The following PXDN variants were observed in gnomAD, a reference collection of about 807,000 sequenced individuals.
The protein encoded by PXDN is peroxidasin homolog.
In PXDN, 77 loss-of-function variants were observed where a neutral mutation model predicts 140.3. That is an observed-to-expected ratio of 0.55 (90% confidence interval 0.46 to 0.66). The LOEUF (loss-of-function observed/expected upper bound fraction) is 0.66, where lower values mean the gene tolerates loss of function less well. Among genes scored for constraint, PXDN ranks in the 30% least tolerant of loss-of-function variants. The pLI is 0.00. For synonymous variants in PXDN, 911 were observed against 857.4 expected, an observed-to-expected ratio of 1.06 and a Z score of -1.09; for missense variants, 1,838 against 2,039.5, an observed-to-expected ratio of 0.90 and a Z score of 1.90.
Position 1,714,375 on chromosome 2 carries a change from T to A in PXDN, c.201-21241A>T, listed in dbSNP as rs950359522. The stretch of plus-strand genomic sequence containing the variant: ...TCGCTCCCATGCCTTTGAGAGGAGA[T>A]CAGGTCTTGCCTCTGCCAAGAAGAT... On this transcript the variant is annotated intron_variant, in intron 1 of 22. Transcript: ENST00000252804. The surrounding 1 kb of genome is among the most constrained non-coding windows in gnomAD (Gnocchi z 4.3). Among the ~76,000 whole-genome samples, 1 of 152,130 alleles carries A rather than the reference T, an allele frequency of 6.6e-6. No homozygotes were observed. Among genetic ancestry groups the A allele is most frequent in the Non-Finnish European group, 1.5e-5 (1 of 68,028 alleles).
At chr2:1,720,713 C>CTCTCTCTGCATCTCTT (rs1558526239) in intron 1 of PXDN, among the ~76,000 whole-genome samples, 3 of 49,528 alleles carry the variant, frequency 6.1e-5, no homozygotes, top group African/African-American at 2.2e-4. Flanking sequence ...CTCTTTCTCT[C>CTCTCTCTGCATCTCTT]TCTCTCTCTC....
At chr2:1,659,649 A>G (rs1259415362) in intron 14 of PXDN, among the ~76,000 whole-genome samples, 2 of 152,232 alleles carry the variant, frequency 1.3e-5, no homozygotes, top group African/African-American at 4.8e-5. Context: ...GCATTTTTCA[A>G]GCAAAAAACA....
intron 1 of PXDN, among the ~76,000 whole-genome samples, chr2:1,732,867 C>A (rs1685342004): frequency 6.6e-6 from 1 of 152,206 alleles, no homozygotes; most frequent in Non-Finnish European, 1.5e-5. Context: ...TGTATTTATT[C>A]CACAAGTTCA....
At position 1,661,534 on chromosome 2, in the gene PXDN, CA is replaced by C. The variant is rs1209765851; in HGVS notation, c.1681-498del. Among the ~76,000 whole-genome samples the C allele has an allele frequency of 2.1e-5, 3 of 140,450 alleles. No individual in the cohort carries two copies. The Admixed American group carries it at 2.3e-4, about 11-fold the overall frequency. The allele number at this position is 140,450 out of a possible 152,430, so 92.1% of individuals were successfully genotyped here. On this transcript the variant is annotated intron_variant, in intron 13 of 22. Coordinates refer to ENST00000252804, the MANE Select transcript of PXDN (RefSeq NM_012293.3). ...GGACACAGAGATTCACAGGGCAGTG[CA>C]GGGATGCAGGTGGAGGATGGGACCA...
At chr2:1,658,295 C>T (rs1223862084) in intron 14 of PXDN, among the ~76,000 whole-genome samples, 3 of 152,046 alleles carry the variant, frequency 2.0e-5, no homozygotes, top group Admixed American at 2.0e-4. Flanking sequence ...CTTCGTGGCT[C>T]TCACCACCCA....
At chr2:1,727,461 C>T (rs1182668065) in intron 1 of PXDN, among the ~76,000 whole-genome samples, 1 of 152,234 alleles carries the variant, frequency 6.6e-6, no homozygotes, top group Non-Finnish European at 1.5e-5. Context: ...AGGACCCCTA[C>T]AGATGGGGAA....
At chr2:1,730,106 A>G (rs1685278970) in intron 1 of PXDN, among the ~76,000 whole-genome samples, 1 of 152,264 alleles carries the variant, frequency 6.6e-6, no homozygotes, top group Admixed American at 6.5e-5. Context: ...GTGTGTGTGC[A>G]TCTGAGAACA....
At chr2:1,645,622 A>T (rs1682835091) in intron 17 of PXDN, among the ~76,000 whole-genome samples, 1 of 152,216 alleles carries the variant, frequency 6.6e-6, no homozygotes, top group African/African-American at 2.4e-5. Flanking sequence ...ATTTTATGTA[A>T]ACTAGCATTT....
At chr2:1,729,342 C>T (rs995908272) in intron 1 of PXDN, among the ~76,000 whole-genome samples, 1 of 152,152 alleles carries the variant, frequency 6.6e-6, no homozygotes, top group African/African-American at 2.4e-5. Context: ...CCTGACCCTC[C>T]CTTCAGCCCT....
intron 17 of PXDN, among the ~76,000 whole-genome samples, chr2:1,647,183 C>T (rs1465461528): frequency 6.6e-6 from 1 of 152,012 alleles, no homozygotes; most frequent in Non-Finnish European, 1.5e-5. Flanking sequence ...CATGAGCCAC[C>T]GGGCCTGGCT....
chr2:1,639,472 G>C lies in PXDN; in HGVS notation c.3953-50C>G. 6.2e-7 allele frequency: 1 copy of C among 1,608,566 alleles called. No individual in the cohort carries two copies. The highest frequency in any genetic ancestry group is 8.5e-7 in the Non-Finnish European group (1 of 1,175,856). On this transcript the variant is annotated intron_variant, in intron 19 of 22. Transcript: ENST00000252804. This position sits in a 1 kb window ranked among gnomAD's most constrained non-coding sequence, Gnocchi z 5.0. Reference sequence around the variant, plus strand: ...TGTCAGCTCTGAAGGCTCTGACCTCGGGGAAATTAAGCACATCCTGCCAAC... The same window carrying C: ...TGTCAGCTCTGAAGGCTCTGACCTCCGGGAAATTAAGCACATCCTGCCAAC...
chr2:1,664,920 C>T (rs769947499), intron 11 of PXDN, 38 bp downstream of exon 11: 21 of 1,492,304 alleles, frequency 1.4e-5, no homozygotes, highest in South Asian at 4.7e-5. Flanking sequence ...CGTCTGTGGC[C>T]GCGGAGGGAG....
rs1200631369 is a variant in PXDN at position 1,744,436 on chromosome 2, C to A, written c.20G>T (p.Gly7Val). The A allele has an allele frequency of 5.3e-6, 8 of 1,497,644 alleles. 1 individual carries two copies. The highest frequency in any genetic ancestry group is 1.5e-5 in the African/African-American group (1 of 68,710). The allele number at this position is 1,497,644 out of a possible 1,614,324, so 92.8% of individuals were successfully genotyped here. ...CGCCAACAGGCAGCGGCGCCCGGGG[C>A]CCCTGGAGCGCTTGGCCATGGCCGA... The part of the protein sequence containing the change: MAKRSR[G>V]PGRRCLLALV... Residue 7 changes from glycine to valine, a missense_variant, in exon 1 of 23, where the codon GGC (glycine) becomes GTC (valine). This residue lies in a region of PXDN where 231 missense variants were observed against 201.5 expected (regional missense o/e 1.15). Coordinates refer to ENST00000252804, the MANE Select transcript of PXDN (RefSeq NM_012293.3).
intron 8 of PXDN, among the ~76,000 whole-genome samples, chr2:1,674,418 C>T (rs2125434918): frequency 6.6e-6 from 1 of 152,334 alleles, no homozygotes; most frequent in South Asian, 2.1e-4. Context: ...GTTGGCCTCC[C>T]TCTGGGATCT....
At chr2:1,728,659 ACGG>A (rs1411305819) in intron 1 of PXDN, among the ~76,000 whole-genome samples, 1 of 152,088 alleles carries the variant, frequency 6.6e-6, no homozygotes, top group Non-Finnish European at 1.5e-5. Flanking sequence ...GCTATTTAAA[ACGG>A]CCCCAAAGCA....
intron 13 of PXDN, 52 bp downstream of exon 13, chr2:1,662,020 C>T (rs959156510): frequency 2.0e-6 from 3 of 1,486,448 alleles, no homozygotes; most frequent in African/African-American, 2.8e-5. Context: ...TGGGTGCCAG[C>T]CCGTCTACCT....
intron 4 of PXDN, among the ~76,000 whole-genome samples, chr2:1,686,819 T>C (rs1684069810): frequency 6.6e-6 from 1 of 152,146 alleles, no homozygotes; most frequent in African/African-American, 2.4e-5. Flanking sequence ...TCTGACAACA[T>C]CGCTGTGTCC....
intron 19 of PXDN, among the ~76,000 whole-genome samples, chr2:1,640,944 C>T (rs1193940210): frequency 2.6e-5 from 4 of 152,142 alleles, no homozygotes; most frequent in East Asian, 3.9e-4. Context: ...CCAGGATGGC[C>T]GTCTCTTCCT....
chr2:1,715,295 C>G (rs950191973), intron 1 of PXDN, among the ~76,000 whole-genome samples: 1 of 152,104 alleles, frequency 6.6e-6, no homozygotes, highest in Non-Finnish European at 1.5e-5. Flanking sequence ...GCACGTGAAA[C>G]AACTGCAGGA....
Sources: gnomAD v4.1 joint callset for allele counts (sites outside exome capture counted in the v4.1 genomes callset) on GRCh38, gnomAD v4.1.1 for gene constraint, gnomAD v4.1.1 regional missense constraint, Gnocchi (gnomAD v3.1) non-coding constraint, MANE v1.5 for transcripts, NCBI Gene and HGNC (gene_info 2026-07-23, HGNC 2026-07-21) for gene names.